RASGRP3: variants seen among roughly 807,000 people sequenced by gnomAD.
RASGRP3 encodes ras guanyl-releasing protein 3.
A neutral mutation model predicts 82.7 loss-of-function variants in RASGRP3; 54 were observed. That is an observed-to-expected ratio of 0.65 (90% confidence interval 0.52 to 0.82). RASGRP3 has a LOEUF of 0.82. Ranked by LOEUF, RASGRP3 falls within the 40% of genes least tolerant of loss-of-function variation. RASGRP3 has a pLI of 0.00. For missense variants in RASGRP3, 861 were observed against 828.9 expected (o/e 1.04, Z -0.48); for synonymous variants, 309 against 300.5 (o/e 1.03, Z -0.29).
upstream of RASGRP3, among the ~76,000 whole-genome samples, chr2:33,473,032 G>C (rs961476355): frequency 6.6e-5 from 10 of 151,908 alleles, no homozygotes; most frequent in Admixed American, 3.9e-4. Context: ...CAGGAGTTTA[G>C]TTGTGGAGGG....
chr2:33,450,969 C>G (rs1376322515), intron 2 of RASGRP3, among the ~76,000 whole-genome samples: 2 of 151,028 alleles, frequency 1.3e-5, no homozygotes, highest in African/African-American at 4.9e-5. Context: ...TCCTGAGTAG[C>G]TGGGACTACA....
chr2:33,544,195 T>C (rs1674527745), intron 13 of RASGRP3, among the ~76,000 whole-genome samples: 1 of 152,062 alleles, frequency 6.6e-6, no homozygotes, highest in South Asian at 2.1e-4. Context: ...AGGCCTGTAA[T>C]CCCAGCTACT....
chr2:33,467,978 CTT>C (rs1270234762), intron 2 of RASGRP3, among the ~76,000 whole-genome samples: 1 of 140,812 alleles, frequency 7.1e-6, no homozygotes, highest in Non-Finnish European at 1.5e-5. Context: ...GATGGTGAGG[CTT>C]TTTCTTTCTT....
At chr2:33,554,611 C>G (rs1675730801) in intron 14 of RASGRP3, among the ~76,000 whole-genome samples, 3 of 152,036 alleles carry the variant, frequency 2.0e-5, no homozygotes, top group African/African-American at 7.3e-5. Context: ...TAGCTGGGAC[C>G]ACAGGCGCCC....
intron 2 of RASGRP3, among the ~76,000 whole-genome samples, chr2:33,465,303 C>A (rs1333152138): frequency 1.3e-5 from 2 of 152,182 alleles, no homozygotes; most frequent in African/African-American, 2.4e-5. Flanking sequence ...CTCTTCAATT[C>A]TCGGAAGGCT....
chr2:33,532,234 C>T (rs556502643), intron 10 of RASGRP3: 4 of 152,302 alleles, frequency 2.6e-5, no homozygotes, highest in African/African-American at 9.6e-5. Context: ...GATAGTTTAT[C>T]TAAAACTCCA....
chr2:33,540,459 G>T (rs1281885732), intron 12 of RASGRP3, among the ~76,000 whole-genome samples: 1 of 145,704 alleles, frequency 6.9e-6, no homozygotes, highest in East Asian at 1.9e-4. Context: ...GGAAATAGAA[G>T]GCAGAGCTGT....
intron 2 of RASGRP3, among the ~76,000 whole-genome samples, chr2:33,453,424 T>TG (rs1219201922): frequency 6.6e-6 from 1 of 152,208 alleles, no homozygotes; most frequent in African/African-American, 2.4e-5. Flanking sequence ...TGCACCATCT[T>TG]GCTGAGGTCT....
intron 2 of RASGRP3, among the ~76,000 whole-genome samples, chr2:33,464,608 G>A (rs2150904915): frequency 6.6e-6 from 1 of 152,142 alleles, no homozygotes; most frequent in African/African-American, 2.4e-5. Flanking sequence ...GAATAGCTGG[G>A]ATTACAGGCA....
In RASGRP3 at chr2:33,486,042, C is replaced by T. The variant is rs117722891; in HGVS notation, c.-261+9335C>T. ...CAACCAAAACTTCAGGAAGTACAGT[C>T]TAGTAGAATACAGGATTTCCATGTA... On this transcript the variant is annotated intron_variant, in intron 1 of 17. Transcript: ENST00000403687. 7.9e-4 allele frequency among the ~76,000 whole-genome samples: 121 copies of T among 152,280 alleles called. 1 individual carries two copies. The East Asian group carries it at 0.022, about 27-fold the overall frequency.
intron 3 of RASGRP3, 38 bp from the exon 4 acceptor site, chr2:33,516,504 C>CTAT: frequency 7.3e-7 from 1 of 1,376,516 alleles, no homozygotes; most frequent in Non-Finnish European, 1.0e-6. Flanking sequence ...AAGAATAGCA[C>CTAT]TATTATCTCC....
At chr2:33,480,497 T>C (rs35582579) in intron 1 of RASGRP3, among the ~76,000 whole-genome samples, 23,903 of 152,134 alleles carry the variant, frequency 0.16, 2,079 homozygotes, top group African/African-American at 0.23. Context: ...TCTGTAGAAA[T>C]TGGCTTTGTA....
rs751664390 is a variant in RASGRP3 at position 33,520,825 on chromosome 2, G to A, written c.368+141G>A. 70 of 1,158,984 alleles carry A rather than the reference G, an allele frequency of 6.0e-5. No individual in the cohort carries two copies. The African/African-American group carries it at 6.6e-4, about 11-fold the overall frequency. The allele number at this position is 1,158,984 out of a possible 1,614,324, so 71.8% of individuals were successfully genotyped here. A position where few individuals can be genotyped will look rare whatever the true frequency, so the allele number is the denominator to read the frequency against. On this transcript the variant is annotated intron_variant, in intron 6 of 17. Transcript: ENST00000403687. ...TGAGGAAAGCCTTGCTGCAGTGAGC[G>A]CAAGCCGTATGGGACACAGCTCATC...
At chr2:33,447,210 T>C (rs1276218408) in intron 1 of RASGRP3, among the ~76,000 whole-genome samples, 1 of 152,052 alleles carries the variant, frequency 6.6e-6, no homozygotes, top group Non-Finnish European at 1.5e-5. Flanking sequence ...ACTGGTTGAT[T>C]TCACAAAACA....
chr2:33,520,810 CT>C, intron 6 of RASGRP3, 126 bp downstream of exon 6: 1 of 1,337,952 alleles, frequency 7.5e-7, no homozygotes, highest in East Asian at 2.3e-5. Context: ...TGAGGAAAGC[CT>C]TGCTGCAGTG....
chr2:33,462,885 A>G (rs1203050786), intron 2 of RASGRP3, among the ~76,000 whole-genome samples: 3 of 152,232 alleles, frequency 2.0e-5, no homozygotes, highest in African/African-American at 7.2e-5. Context: ...TAATTCTGAA[A>G]ATTCTCCTTA....
In RASGRP3 at chr2:33,563,045, G is replaced by A. The variant is rs1191555159; in HGVS notation, c.*308G>A. 2.7e-6 allele frequency: 1 copy of A among 365,958 alleles called. No individual in the cohort carries two copies. The highest frequency in any genetic ancestry group is 4.9e-6 in the Non-Finnish European group (1 of 204,958). 22.7% of individuals were successfully genotyped at this position (365,958 alleles called of 1,614,324 possible). A position where few individuals can be genotyped will look rare whatever the true frequency, so the allele number is the denominator to read the frequency against. On this transcript the variant is annotated 3_prime_UTR_variant, in exon 18 of 18. Coordinates refer to ENST00000403687, the MANE Select transcript of RASGRP3 (RefSeq NM_001139488.2). ...CCATTTATATACGGGTGAAATGAAA[G>A]CTTTTTTGCATGTACTTGATACTCA... is the stretch of plus-strand genomic sequence containing the variant.
intron 1 of RASGRP3, among the ~76,000 whole-genome samples, chr2:33,438,904 A>G (rs1308977090): frequency 6.6e-6 from 1 of 152,198 alleles, no homozygotes; most frequent in Non-Finnish European, 1.5e-5. Flanking sequence ...AGAAATTTAG[A>G]TGTCACCAAA....
At chr2:33,534,515 A>C (rs1445274366) in intron 11 of RASGRP3, 115 bp downstream of exon 11, 5 of 760,076 alleles carry the variant, frequency 6.6e-6, no homozygotes, top group Non-Finnish European at 8.6e-6. Flanking sequence ...TTAAAAATTG[A>C]CATTATTCTT....
Sources: allele counts gnomAD v4.1 joint callset (sites outside exome capture counted in the v4.1 genomes callset), GRCh38; gene constraint gnomAD v4.1.1; transcripts MANE v1.5; gene names NCBI Gene and HGNC (gene_info 2026-07-23, HGNC 2026-07-21).